TRAK1: variants seen among roughly 807,000 people sequenced by gnomAD.
TRAK1 encodes trafficking kinesin protein 1, also known as trafficking kinesin-binding protein 1.
Under a neutral mutation model 92.1 loss-of-function variants are expected in TRAK1, and 33 were observed. That is an observed-to-expected ratio of 0.36 (90% CI 0.27 to 0.48). The LOEUF (loss-of-function observed/expected upper bound fraction) is 0.48, where lower values mean the gene tolerates loss of function less well. TRAK1 is among the 20% of genes least tolerant of loss of function. The pLI is 0.99. For missense variants in TRAK1, 1,123 were observed against 1,257.9 expected (o/e 0.89, Z 1.62); for synonymous variants, 521 against 517.3 (o/e 1.01, Z -0.10).
At chr3:42,184,908 C>G (rs1366372275) in intron 4 of TRAK1, 107 bp downstream of exon 4, 1 of 1,108,508 alleles carries the variant, frequency 9.0e-7, no homozygotes, top group South Asian at 1.4e-5. Flanking sequence ...GAAGGACGCT[C>G]CCGAGGGCAC....
Position 42,221,604 on chromosome 3 carries a change from C to A in TRAK1, c.2067-1338C>A, listed in dbSNP as rs971601003. 7.9e-5 allele frequency among the ~76,000 whole-genome samples: 12 copies of A among 152,170 alleles called. 1 individual carries two copies. The highest frequency in any genetic ancestry group is 7.2e-4 in the Admixed American group (11 of 15,282). The stretch of plus-strand genomic sequence containing the variant: ...AGTACATGGACTTCCTTCTGCCAGA[C>A]TGGGGAGAGAAGTCTCCATCCCCAG... On this transcript the variant is annotated intron_variant, in intron 15 of 15. Transcript: ENST00000327628.
chr3:42,105,384 G>T (rs1396954665), intron 1 of TRAK1, among the ~76,000 whole-genome samples: 2 of 152,244 alleles, frequency 1.3e-5, no homozygotes, highest in South Asian at 4.1e-4. Context: ...ACAAGCTTCA[G>T]TAGCCGATTT....
At chr3:42,101,922 G>A (rs767090274) in intron 1 of TRAK1, among the ~76,000 whole-genome samples, 17 of 152,150 alleles carry the variant, frequency 1.1e-4, no homozygotes, top group African/African-American at 3.4e-4. Flanking sequence ...GTAAACAGTC[G>A]TTTCAGGTCA....
chr3:42,161,825 G>A (rs879778140), intron 2 of TRAK1, among the ~76,000 whole-genome samples: 4 of 152,144 alleles, frequency 2.6e-5, no homozygotes, highest in African/African-American at 7.2e-5. Flanking sequence ...GAAGGAGATG[G>A]GGGAGGGGAG....
chr3:42,054,904 A>ATTTTTTTTTTTTTTTTTTTT lies in TRAK1; in HGVS notation c.-518-32185_-518-32166dup, dbSNP rs1157067369. On this transcript the variant is annotated intron_variant, in intron 1 of 16. Coordinates refer to the TRAK1 transcript ENST00000487159. ...TTGTAAATGATCTACAGCAAACTAGATTTTTTTTTTTTTTTTTTTTTTTTT... is the reference window on the plus strand; with the variant it reads ...TTGTAAATGATCTACAGCAAACTAGATTTTTTTTTTTTTTTTTTTTTTTTTTTTTTTTTTTTTTTTTTTTT... Among the ~76,000 whole-genome samples, 12 of 37,106 alleles carry ATTTTTTTTTTTTTTTTTTTT rather than the reference A, an allele frequency of 3.2e-4. 3 individuals are homozygous for ATTTTTTTTTTTTTTTTTTTT. The highest frequency in any genetic ancestry group is 4.5e-4 in the African/African-American group (5 of 11,106). The allele number at this position is 37,106 out of a possible 152,430, so 24.3% of individuals were successfully genotyped here.
chr3:42,203,216 T>G lies in TRAK1; in HGVS notation c.1744+464T>G, dbSNP rs1576995596. 8 of 1,087,884 alleles carry G rather than the reference T, an allele frequency of 7.4e-6. No individual in the cohort carries two copies. In the East Asian group the frequency reaches 4.1e-4, roughly 55 times the overall value. 67.4% of individuals were successfully genotyped at this position (1,087,884 alleles called of 1,614,324 possible). A position where few individuals can be genotyped will look rare whatever the true frequency, so the allele number is the denominator to read the frequency against. On this transcript the variant is annotated intron_variant, in intron 13 of 15. Coordinates refer to ENST00000327628, the MANE Select transcript of TRAK1 (RefSeq NM_001042646.3). ...TTAAATGGGGATTTTTTTTTCCCCATAACCACCTGAATGTGATTTGTGGGC... is the reference window on the plus strand; with the variant it reads ...TTAAATGGGGATTTTTTTTTCCCCAGAACCACCTGAATGTGATTTGTGGGC...
rs992150337 is a variant in TRAK1, at chr3:42,060,769, A to C, written c.-518-26335A>C. The stretch of plus-strand genomic sequence containing the variant: ...CAGCCTCCTGAGTAACTGGGATTGC[A>C]TGTGCCCGCCACCACTCCTGGCTGA... On this transcript the variant is annotated intron_variant, in intron 1 of 16. Transcript: ENST00000487159. 2.0e-5 allele frequency among the ~76,000 whole-genome samples: 3 copies of C among 151,156 alleles called. No individual in the cohort carries two copies. The East Asian group carries it at 5.8e-4, about 29-fold the overall frequency.
rs576484686 is a variant in TRAK1, at chr3:42,060,777, G to A, written c.-518-26327G>A. 1.9e-4 allele frequency among the ~76,000 whole-genome samples: 28 copies of A among 150,552 alleles called. No individual in the cohort carries two copies. In the South Asian group the frequency reaches 5.5e-3, roughly 29 times the overall value. ...TGAGTAACTGGGATTGCATGTGCCC[G>A]CCACCACTCCTGGCTGATTTTTTTT... On this transcript the variant is annotated intron_variant, in intron 1 of 16. Coordinates refer to the TRAK1 transcript ENST00000487159.
chr3:42,032,822 C>G (rs564168986), intron 1 of TRAK1, among the ~76,000 whole-genome samples: 2 of 152,050 alleles, frequency 1.3e-5, no homozygotes, highest in Non-Finnish European at 1.5e-5. Flanking sequence ...ACTCAGAGGC[C>G]GAGGTGGGAG....
At chr3:42,095,874 C>A (rs1705844802) in intron 1 of TRAK1, among the ~76,000 whole-genome samples, 1 of 152,156 alleles carries the variant, frequency 6.6e-6, no homozygotes, top group African/African-American at 2.4e-5. Flanking sequence ...GTCACAGGGG[C>A]AGAGCCCTGA....
In TRAK1 at chr3:42,126,661, A is replaced by G. The variant is rs140168260; in HGVS notation, c.286+1047A>G. 1.3e-3 allele frequency among the ~76,000 whole-genome samples: 193 copies of G among 152,310 alleles called. 1 individual carries two copies. Among genetic ancestry groups the G allele is most frequent in the African/African-American group, 4.5e-3 (188 of 41,568 alleles). ...GTGTCACTTAAAAAAAAGTATAGCA[A>G]TCCTCCTACCTGCAGATAACTTGGT... is the stretch of plus-strand genomic sequence containing the variant. On this transcript the variant is annotated intron_variant, in intron 2 of 15. Transcript: ENST00000327628.
At position 42,054,904 on chromosome 3, in the gene TRAK1, A is replaced by ATTTTTTTTTTTTTTTTT. The variant is rs1157067369; in HGVS notation, c.-518-32182_-518-32166dup. Among the ~76,000 whole-genome samples the ATTTTTTTTTTTTTTTTT allele has an allele frequency of 4.9e-4, 18 of 37,106 alleles. 4 individuals are homozygous for ATTTTTTTTTTTTTTTTT. Among genetic ancestry groups the ATTTTTTTTTTTTTTTTT allele is most frequent in the Non-Finnish European group, 6.7e-4 (13 of 19,538 alleles). 24.3% of individuals were successfully genotyped at this position (37,106 alleles called of 152,430 possible). A position where few individuals can be genotyped will look rare whatever the true frequency, so the allele number is the denominator to read the frequency against. On this transcript the variant is annotated intron_variant, in intron 1 of 16. Transcript: ENST00000487159. Reference sequence around the variant, plus strand: ...TTGTAAATGATCTACAGCAAACTAGATTTTTTTTTTTTTTTTTTTTTTTTT... The same window carrying ATTTTTTTTTTTTTTTTT: ...TTGTAAATGATCTACAGCAAACTAGATTTTTTTTTTTTTTTTTTTTTTTTTTTTTTTTTTTTTTTTTT...
chr3:42,071,706 C>CAA (rs112841005), intron 1 of TRAK1, among the ~76,000 whole-genome samples: 26 of 127,408 alleles, frequency 2.0e-4, no homozygotes, highest in African/African-American at 4.7e-4. Flanking sequence ...AAGTCTGTCT[C>CAA]AAAAAAAAAA....
intron 2 of TRAK1, among the ~76,000 whole-genome samples, chr3:42,134,878 CT>C (rs1008906276): frequency 2.0e-5 from 3 of 148,708 alleles, no homozygotes; most frequent in Non-Finnish European, 3.0e-5. Flanking sequence ...TGCACCTGGC[CT>C]TTTTTTTTTC....
At chr3:42,116,510 G>A (rs548400867) in intron 1 of TRAK1, among the ~76,000 whole-genome samples, 2 of 152,362 alleles carry the variant, frequency 1.3e-5, no homozygotes, top group African/African-American at 2.4e-5. Flanking sequence ...TGTGGCCTAT[G>A]TATGAGTCTT....
chr3:42,217,418 T>G (rs1257369729), intron 14 of TRAK1: 11 of 985,258 alleles, frequency 1.1e-5, no homozygotes, highest in Non-Finnish European at 1.3e-5. Context: ...TGGTGACTTG[T>G]GAATTTTTAG....
chr3:42,217,738 C>G lies in TRAK1; in HGVS notation c.1964-1756C>G, dbSNP rs1417369156. 4.1e-6 allele frequency: 4 copies of G among 985,264 alleles called. No homozygotes were observed. The African/African-American group carries it at 7.0e-5, about 17-fold the overall frequency. The allele number at this position is 985,264 out of a possible 1,614,324, so 61.0% of individuals were successfully genotyped here. A position where few individuals can be genotyped will look rare whatever the true frequency, so the allele number is the denominator to read the frequency against. ...TCCCCCTCTCCTCCTTCCCAAATAA[C>G]CCCTCATGCCTGTTATTTGGGATGC... On this transcript the variant is annotated intron_variant, in intron 14 of 15. Transcript: ENST00000327628.
At chr3:42,075,838 A>C (rs1040408924) in intron 1 of TRAK1, among the ~76,000 whole-genome samples, 5 of 151,724 alleles carry the variant, frequency 3.3e-5, no homozygotes, top group Non-Finnish European at 7.4e-5. Context: ...TAAAATTTTT[A>C]AAATTTTATT....
intron 1 of TRAK1, among the ~76,000 whole-genome samples, chr3:42,043,386 C>A (rs1442833344): frequency 1.3e-5 from 2 of 151,976 alleles, no homozygotes; most frequent in Non-Finnish European, 2.9e-5. Context: ...TTCTTTCCCT[C>A]CTCCTTGTCT....
Sources: gnomAD v4.1 joint callset for allele counts (sites outside exome capture counted in the v4.1 genomes callset) on GRCh38, gnomAD v4.1.1 for gene constraint, MANE v1.5 for transcripts, NCBI Gene and HGNC (gene_info 2026-07-23, HGNC 2026-07-21) for gene names.